Variants in PPP2R2C observed in about 807,000 individuals in gnomAD.
PPP2R2C encodes the protein protein phosphatase 2 regulatory subunit Bgamma.
In PPP2R2C, 10 loss-of-function variants were observed where a neutral mutation model predicts 45.3. The observed-to-expected ratio is 0.22, with a 90% CI of 0.14 to 0.37. PPP2R2C has a LOEUF of 0.37. PPP2R2C is among the 10% of genes least tolerant of loss of function. PPP2R2C has a pLI of 1.00. For synonymous variants in PPP2R2C, 257 were observed against 245.4 expected, an observed-to-expected ratio of 1.05 and a Z score of -0.44; for missense variants, 308 against 619.7, an observed-to-expected ratio of 0.50 and a Z score of 5.34.
chr4:6,487,421 T>A lies in PPP2R2C; in HGVS notation c.49+47850A>T, dbSNP rs1394234206. On this transcript the variant is annotated intron_variant, in intron 2 of 9. Coordinates refer to the PPP2R2C transcript ENST00000506140. ...GCTAGTTATGAATTCTTTAAGCCGT[T>A]ATGTCTCAGAAGTCTATTTTGCTTT... Among the ~76,000 whole-genome samples, 6 of 152,074 alleles carry A rather than the reference T, an allele frequency of 3.9e-5. No homozygotes were observed. The East Asian group carries it at 1.2e-3, about 29-fold the overall frequency.
intron 1 of PPP2R2C, among the ~76,000 whole-genome samples, chr4:6,430,596 A>C (rs574051716): frequency 6.6e-6 from 1 of 152,244 alleles, no homozygotes; most frequent in East Asian, 1.9e-4. Context: ...GAATCAGGCC[A>C]ACTTTGTAAT....
intron 2 of PPP2R2C, among the ~76,000 whole-genome samples, chr4:6,516,510 C>G (rs1723833084): frequency 6.6e-6 from 1 of 152,198 alleles, no homozygotes; most frequent in African/African-American, 2.4e-5. Context: ...GCTCCTGGAC[C>G]AGGCCATCCG....
intron 2 of PPP2R2C, among the ~76,000 whole-genome samples, chr4:6,482,611 A>G (rs1320462280): frequency 6.6e-6 from 1 of 152,324 alleles, no homozygotes; most frequent in South Asian, 2.1e-4. Flanking sequence ...ATTTTGTTGA[A>G]CTGTCACATG....
At chr4:6,402,403 G>A (rs1459817171) in intron 1 of PPP2R2C, among the ~76,000 whole-genome samples, 2 of 152,162 alleles carry the variant, frequency 1.3e-5, no homozygotes, top group Non-Finnish European at 1.5e-5. Flanking sequence ...GCCACTTCCC[G>A]GTTATGTCTC....
intron 1 of PPP2R2C, among the ~76,000 whole-genome samples, chr4:6,562,340 A>G (rs1219437377): frequency 6.6e-6 from 1 of 152,096 alleles, no homozygotes; most frequent in Non-Finnish European, 1.5e-5. Context: ...CATGCCAAAG[A>G]GGACTCGCCA....
chr4:6,494,376 C>T (rs1421442393), intron 2 of PPP2R2C, among the ~76,000 whole-genome samples: 1 of 152,132 alleles, frequency 6.6e-6, no homozygotes, highest in Non-Finnish European at 1.5e-5. Context: ...CACATTGGAC[C>T]CTCTAACACA....
At position 6,492,845 on chromosome 4, in the gene PPP2R2C, G is replaced by A. The variant is rs187321817; in HGVS notation, c.49+42426C>T. ...AGGAGCAAGCCAGCCTTTGGCAGGA[G>A]GGAGGCCTGTCAAAGGCATGGGCCC... On this transcript the variant is annotated intron_variant, in intron 2 of 9. Transcript: ENST00000506140. Among the ~76,000 whole-genome samples, 390 of 152,248 alleles carry A rather than the reference G, an allele frequency of 2.6e-3. 1 individual carries two copies. Among genetic ancestry groups the A allele is most frequent in the African/African-American group, 9.2e-3 (383 of 41,564 alleles).
At chr4:6,430,057 A>G (rs1276744906) in intron 1 of PPP2R2C, among the ~76,000 whole-genome samples, 1 of 152,188 alleles carries the variant, frequency 6.6e-6, no homozygotes, top group African/African-American at 2.4e-5. Context: ...AAGCCTCACT[A>G]GTCCCCACCT....
At chr4:6,357,488 T>C (rs1197860691) in intron 5 of PPP2R2C, among the ~76,000 whole-genome samples, 1 of 151,918 alleles carries the variant, frequency 6.6e-6, no homozygotes, top group Non-Finnish European at 1.5e-5. Context: ...CAGCCAGAGG[T>C]GCTAGCTAAA....
chr4:6,535,200 G>A (rs574006876), intron 2 of PPP2R2C: 27 of 1,476,620 alleles, frequency 1.8e-5, no homozygotes, highest in African/African-American at 8.3e-5. Flanking sequence ...TGTGTCGGGC[G>A]CCTGTGACCC....
At chr4:6,408,357 G>C (rs370312239) in intron 1 of PPP2R2C, among the ~76,000 whole-genome samples, 33 of 152,256 alleles carry the variant, frequency 2.2e-4, no homozygotes, top group East Asian at 1.2e-3. Flanking sequence ...CCCCGGTACA[G>C]GTTCTTCACT....
In PPP2R2C at chr4:6,409,029, G is replaced by A. The variant is rs144261646; in HGVS notation, c.71-27935C>T. ...GGAGATGTAGGCAAACAGCTAGAGTGAAAGCACATATAAAAGGACCATGCT... is the reference window on the plus strand; with the variant it reads ...GGAGATGTAGGCAAACAGCTAGAGTAAAAGCACATATAAAAGGACCATGCT... On this transcript the variant is annotated intron_variant, in intron 1 of 8. Coordinates refer to ENST00000382599, the MANE Select transcript of PPP2R2C (RefSeq NM_020416.4). Among the ~76,000 whole-genome samples the A allele has an allele frequency of 5.1e-3, 779 of 152,208 alleles. 5 individuals carry two copies. The highest frequency in any genetic ancestry group is 0.017 in the African/African-American group (715 of 41,496).
intron 6 of PPP2R2C, among the ~76,000 whole-genome samples, chr4:6,347,445 G>T (rs1204901887): frequency 6.6e-6 from 1 of 152,186 alleles, no homozygotes; most frequent in African/African-American, 2.4e-5. Flanking sequence ...CAGCAAGTTT[G>T]CTGGGTGTGG....
chr4:6,511,864 A>T (rs865812699), intron 2 of PPP2R2C, among the ~76,000 whole-genome samples: 1 of 3,148 alleles, frequency 3.2e-4, no homozygotes, highest in East Asian at 0.016. Context: ...GGTGGTGGTG[A>T]TGGTGGTGGT....
chr4:6,388,943 G>A (rs73206139), intron 1 of PPP2R2C, among the ~76,000 whole-genome samples: 7 of 152,068 alleles, frequency 4.6e-5, no homozygotes, highest in Non-Finnish European at 1.0e-4. Context: ...CAGCCCCCGA[G>A]AACTGGGCTA....
chr4:6,429,633 C>T (rs114910590), intron 1 of PPP2R2C, among the ~76,000 whole-genome samples: 2,412 of 152,262 alleles, frequency 0.016, 53 homozygotes, highest in African/African-American at 0.056. Flanking sequence ...TGCTCCCTGA[C>T]ACTGCTTGTT....
chr4:6,494,751 G>A (rs544562644), intron 2 of PPP2R2C, among the ~76,000 whole-genome samples: 1 of 152,342 alleles, frequency 6.6e-6, no homozygotes, highest in East Asian at 1.9e-4. Flanking sequence ...TGGGAAGGGA[G>A]AAGGCCATAC....
chr4:6,542,619 G>A (rs1033449445), intron 1 of PPP2R2C, among the ~76,000 whole-genome samples: 8 of 151,216 alleles, frequency 5.3e-5, no homozygotes, highest in African/African-American at 1.7e-4. Flanking sequence ...AGGGAGAATT[G>A]CTTGAACCTG....
Position 6,514,907 on chromosome 4 carries a change from A to G in PPP2R2C, c.49+20364T>C, listed in dbSNP as rs115177126. ...CAAGCCTGGGCACTCCTTGGCTTGT[A>G]GCTGCATCACTACAATCTCTGTCTC... On this transcript the variant is annotated intron_variant, in intron 2 of 9. Coordinates refer to the PPP2R2C transcript ENST00000506140. Among the ~76,000 whole-genome samples the G allele has an allele frequency of 6.0e-3, 918 of 152,228 alleles. 10 individuals are homozygous for G. Among genetic ancestry groups the G allele is most frequent in the African/African-American group, 0.021 (881 of 41,524 alleles).
Sources: gnomAD v4.1 joint callset for allele counts (sites outside exome capture counted in the v4.1 genomes callset) on GRCh38, gnomAD v4.1.1 for gene constraint, MANE v1.5 for transcripts, NCBI Gene and HGNC (gene_info 2026-07-23, HGNC 2026-07-21) for gene names.